NIBAN2: variants seen among roughly 807,000 people sequenced by gnomAD.
The protein encoded by NIBAN2 is protein Niban 2.
In NIBAN2, 36 loss-of-function variants were observed where a neutral mutation model predicts 81.8. That is an observed-to-expected ratio of 0.44 (90% confidence interval 0.34 to 0.58). The LOEUF is 0.58. NIBAN2 is among the 20% of genes least tolerant of loss of function. NIBAN2 has a pLI of 0.02. For synonymous variants in NIBAN2, 445 were observed against 441.6 expected, an observed-to-expected ratio of 1.01 and a Z score of -0.10; for missense variants, 897 against 1,014.1, an observed-to-expected ratio of 0.88 and a Z score of 1.57.
intron 2 of NIBAN2, among the ~76,000 whole-genome samples, chr9:127,529,888 T>C (rs1837146555): frequency 1.3e-5 from 2 of 152,196 alleles, no homozygotes; most frequent in South Asian, 2.1e-4. Context: ...TCAGGGACTG[T>C]GGGTGAGTGA....
intron 1 of NIBAN2, among the ~76,000 whole-genome samples, chr9:127,549,058 G>A (rs978930954): frequency 2.0e-5 from 3 of 152,172 alleles, no homozygotes; most frequent in Non-Finnish European, 2.9e-5. Context: ...TAAGATGTGT[G>A]AGATGCACCT....
At chr9:127,515,537 A>C (rs1216720982) in intron 8 of NIBAN2, among the ~76,000 whole-genome samples, 1 of 65,290 alleles carries the variant, frequency 1.5e-5, no homozygotes, top group South Asian at 3.6e-4. Flanking sequence ...AAAAAAAAAA[A>C]AACAAACAAA....
chr9:127,506,930 G>C lies in NIBAN2; in HGVS notation c.2156C>G (p.Thr719Ser). 6.2e-7 allele frequency: 1 copy of C among 1,611,384 alleles called. No individual in the cohort carries two copies. Among genetic ancestry groups the C allele is most frequent in the Non-Finnish European group, 8.5e-7 (1 of 1,178,976 alleles). Residue 719 changes from threonine to serine, a missense_variant, in exon 14 of 14, where the codon ACT becomes AGT. This residue lies in a region of NIBAN2 where 619 missense variants were observed against 691.0 expected (regional missense o/e 0.90). Coordinates refer to ENST00000373312, the MANE Select transcript of NIBAN2 (RefSeq NM_022833.4). ...GCTGGGGCTGGACACCTGCTCTCCA[G>C]TCTCCTGGTCGCTGGGCTTGGGGGG... ...LGPPKPSDQE[T>S]GEQVSSPSSH... is the part of the protein sequence containing the mutation.
At position 127,545,035 on chromosome 9, in the gene NIBAN2, G is replaced by C. The variant is rs916408633; in HGVS notation, c.56-13257C>G. Among the ~76,000 whole-genome samples, 1 of 152,176 alleles carries C rather than the reference G, an allele frequency of 6.6e-6. No individual in the cohort carries two copies. The highest frequency in any genetic ancestry group is 1.5e-5 in the Non-Finnish European group (1 of 68,030). On this transcript the variant is annotated intron_variant, in intron 1 of 13. Transcript: ENST00000373312. The surrounding 1 kb of genome is among the most constrained non-coding windows in gnomAD (Gnocchi z 4.7). ...TCCCAGCTCCTCTGAGACCATCTTG[G>C]GGAGAAACAGGTGAATGGGGCTTTC...
At chr9:127,560,811 C>A (rs1837760625) in intron 1 of NIBAN2, among the ~76,000 whole-genome samples, 1 of 152,212 alleles carries the variant, frequency 6.6e-6, no homozygotes, top group Non-Finnish European at 1.5e-5. Flanking sequence ...GATGGTCTCA[C>A]AGGCATGCAC....
Position 127,510,262 on chromosome 9 carries a change from C to T in NIBAN2, c.1045G>A (p.Ala349Thr). Residue 349 changes from alanine (A) to threonine (T), a missense_variant, in exon 9 of 14, where the codon GCC (alanine) becomes ACC (threonine). This residue lies in a region of NIBAN2 where 619 missense variants were observed against 691.0 expected (regional missense o/e 0.90). Coordinates refer to ENST00000373312, the MANE Select transcript of NIBAN2 (RefSeq NM_022833.4). ...VQPYIPSILEALMVPTSQGFT... is the reference protein window; with the variant it reads ...VQPYIPSILETLMVPTSQGFT... ...CCCTGGCTGGTGGGGACCATCAGGG[C>T]CTCCAGGATGGATGGGATGTAGGGC... is the stretch of plus-strand genomic sequence containing the variant. 1 of 1,614,078 alleles carries T rather than the reference C, an allele frequency of 6.2e-7. No individual in the cohort carries two copies. Among genetic ancestry groups the T allele is most frequent in the Middle Eastern group, 1.6e-4 (1 of 6,062 alleles).
intron 4 of NIBAN2, 90 bp from the exon 5 acceptor site, chr9:127,523,936 G>A: frequency 7.0e-7 from 1 of 1,426,918 alleles, no homozygotes; most frequent in Non-Finnish European, 9.7e-7. Flanking sequence ...CATCAGCTCT[G>A]AGGTCAGGCT....
At position 127,575,852 on chromosome 9, in the gene NIBAN2, C is replaced by T. The variant is rs117470127; in HGVS notation, c.16+3070G>A. On this transcript the variant is annotated intron_variant, in intron 1 of 13. Coordinates refer to the NIBAN2 transcript ENST00000373314. Reference sequence around the variant, plus strand: ...CTGTGTGAAACATGGATTTTTTTCCCGCATCTTGCCCCACCAAGCAGCATT... The same window carrying T: ...CTGTGTGAAACATGGATTTTTTTCCTGCATCTTGCCCCACCAAGCAGCATT... Among the ~76,000 whole-genome samples, 1,277 of 152,090 alleles carry T rather than the reference C, an allele frequency of 8.4e-3. 12 individuals carry two copies. The highest frequency in any genetic ancestry group is 0.022 in the South Asian group (107 of 4,818).
intron 4 of NIBAN2, chr9:127,524,798 T>C (rs1020318006): frequency 8.2e-6 from 3 of 366,504 alleles, no homozygotes; most frequent in Non-Finnish European, 1.0e-5. Flanking sequence ...AAAAGCAGGA[T>C]GCCAAGAAGA....
intron 1 of NIBAN2, among the ~76,000 whole-genome samples, chr9:127,540,460 A>T (rs1014525143): frequency 6.6e-6 from 1 of 152,186 alleles, no homozygotes; most frequent in African/African-American, 2.4e-5. Context: ...TTGCCTTGTC[A>T]TGACGCTCCC....
chr9:127,576,803 G>A lies in NIBAN2; in HGVS notation c.16+2119C>T, dbSNP rs542776657. Among the ~76,000 whole-genome samples, 14 of 150,910 alleles carry A rather than the reference G, an allele frequency of 9.3e-5. No individual in the cohort carries two copies. In the East Asian group the frequency reaches 2.8e-3, roughly 30 times the overall value. On this transcript the variant is annotated intron_variant, in intron 1 of 13. Coordinates refer to the NIBAN2 transcript ENST00000373314. The stretch of plus-strand genomic sequence containing the variant: ...TCTGTCACCAGGCTGGAGTGTAGTG[G>A]CGCCATCTCAGCTTACTGCAACCTC...
In NIBAN2 at chr9:127,563,303, G is replaced by C. The variant is rs1006834083; in HGVS notation, c.55+5517C>G. Among the ~76,000 whole-genome samples the C allele has an allele frequency of 2.6e-5, 4 of 152,250 alleles. No individual in the cohort carries two copies. The highest frequency in any genetic ancestry group is 2.0e-4 in the Admixed American group (3 of 15,288). On this transcript the variant is annotated intron_variant, in intron 1 of 13. Transcript: ENST00000373312. This position sits in a 1 kb window ranked among gnomAD's most constrained non-coding sequence, Gnocchi z 4.1. ...CATGTTATATAAGACCCAACAGAGA[G>C]ACAGCATCATCCCCAGACACTTCGC...
At chr9:127,535,987 G>A (rs1474977319) in intron 1 of NIBAN2, among the ~76,000 whole-genome samples, 1 of 152,132 alleles carries the variant, frequency 6.6e-6, no homozygotes, top group Non-Finnish European at 1.5e-5. Context: ...GGACCTTAAG[G>A]ACGGAGCCCA....
At chr9:127,534,217 G>A (rs938635480) in intron 1 of NIBAN2, among the ~76,000 whole-genome samples, 1 of 152,234 alleles carries the variant, frequency 6.6e-6, no homozygotes, top group Non-Finnish European at 1.5e-5. Flanking sequence ...TGACAGTCTT[G>A]GATTCCAGGT....
In NIBAN2 at chr9:127,526,526, G is replaced by T. The variant is rs535352613; in HGVS notation, c.315+668C>A. Among the ~76,000 whole-genome samples the T allele has an allele frequency of 2.0e-5, 3 of 152,212 alleles. No individual in the cohort carries two copies. In the South Asian group the frequency reaches 6.2e-4, roughly 32 times the overall value. On this transcript the variant is annotated intron_variant, in intron 3 of 13. Coordinates refer to ENST00000373312, the MANE Select transcript of NIBAN2 (RefSeq NM_022833.4). ...TTCAGGTGATTTGGACGTGCTACCA[G>T]TTGAGAACCACTACTCTGGGGCACG...
chr9:127,509,477 C>G (rs1368817252), intron 9 of NIBAN2, among the ~76,000 whole-genome samples: 1 of 152,154 alleles, frequency 6.6e-6, no homozygotes, highest in Non-Finnish European at 1.5e-5. Context: ...TGGGAGAGAG[C>G]TTTCCTGCTC....
In NIBAN2 at chr9:127,545,418, G is replaced by T. The variant is rs557779254; in HGVS notation, c.56-13640C>A. ...AGCACCCAGCTCCCGCCAGGCCCAGGGGGGTGCTTGATAAACAAGTGCCGA... is the reference window on the plus strand; with the variant it reads ...AGCACCCAGCTCCCGCCAGGCCCAGTGGGGTGCTTGATAAACAAGTGCCGA... On this transcript the variant is annotated intron_variant, in intron 1 of 13. Transcript: ENST00000373312. This position sits in a 1 kb window ranked among gnomAD's most constrained non-coding sequence, Gnocchi z 4.7. 4.6e-5 allele frequency among the ~76,000 whole-genome samples: 7 copies of T among 152,278 alleles called. No homozygotes were observed. The East Asian group carries it at 1.4e-3, about 29-fold the overall frequency.
intron 1 of NIBAN2, among the ~76,000 whole-genome samples, chr9:127,533,369 A>G (rs529151603): frequency 2.6e-5 from 4 of 152,234 alleles, no homozygotes; most frequent in Admixed American, 2.6e-4. Context: ...AGGCAGGAGA[A>G]TGGCATGAAC....
exon 1 of NIBAN2, chr9:127,578,955 C>G (rs2132251852): frequency 6.2e-7 from 1 of 1,608,154 alleles, no homozygotes; most frequent in East Asian, 2.3e-5. Flanking sequence ...AGTGAGAGCC[C>G]CAAAAGGAAG....
Sources: gnomAD v4.1 joint callset for allele counts (sites outside exome capture counted in the v4.1 genomes callset) on GRCh38, gnomAD v4.1.1 for gene constraint, gnomAD v4.1.1 regional missense constraint, Gnocchi (gnomAD v3.1) non-coding constraint, MANE v1.5 for transcripts, NCBI Gene and HGNC (gene_info 2026-07-23, HGNC 2026-07-21) for gene names.